The following PTPRD variants were observed in gnomAD, a reference collection of about 807,000 sequenced individuals.
The protein encoded by PTPRD is protein tyrosine phosphatase receptor type D.
Under a neutral mutation model 214.5 loss-of-function variants are expected in PTPRD, and 34 were observed. That is an observed-to-expected ratio of 0.16 (90% CI 0.12 to 0.21). The LOEUF is 0.21. Among genes scored for constraint, PTPRD ranks in the 10% least tolerant of loss-of-function variants. The pLI is 1.00. For missense variants in PTPRD, 2,545 were observed against 2,398.7 expected, an observed-to-expected ratio of 1.06 and a Z score of -1.27; for synonymous variants, 1,128 against 845.7, an observed-to-expected ratio of 1.33 and a Z score of -5.79.
intron 2 of PTPRD, among the ~76,000 whole-genome samples, chr9:10,348,091 T>C (rs10959062): frequency 0.12 from 18,580 of 152,152 alleles, 1,585 homozygotes; most frequent in Admixed American, 0.25. Context: ...TCTTGTGAAC[T>C]ATAGTCACAC....
chr9:9,813,780 T>G (rs2047903930), intron 5 of PTPRD, among the ~76,000 whole-genome samples: 1 of 152,086 alleles, frequency 6.6e-6, no homozygotes, highest in Non-Finnish European at 1.5e-5. Flanking sequence ...AGAATTACCC[T>G]CATACCAAAC....
intron 7 of PTPRD, among the ~76,000 whole-genome samples, chr9:9,719,764 G>C (rs950670247): frequency 6.6e-6 from 1 of 152,170 alleles, no homozygotes; most frequent in Non-Finnish European, 1.5e-5. Flanking sequence ...CCTCTTTGGG[G>C]TTCTGCGGTT....
chr9:10,100,055 C>T (rs2098536906), intron 3 of PTPRD, among the ~76,000 whole-genome samples: 1 of 151,556 alleles, frequency 6.6e-6, no homozygotes, highest in Admixed American at 6.6e-5. Context: ...TATGGGTAAA[C>T]CTTAATGAGT....
At chr9:9,896,143 T>C (rs534383998) in intron 5 of PTPRD, among the ~76,000 whole-genome samples, 5 of 152,166 alleles carry the variant, frequency 3.3e-5, no homozygotes, top group South Asian at 4.1e-4. Context: ...AAGTCTTCTC[T>C]AAACACACAC....
rs765293195 is a variant in PTPRD, at chr9:8,484,388, T to C, written c.3154-10A>G. On this transcript the variant is annotated splice_polypyrimidine_tract_variant and intron_variant, in intron 29 of 45. Coordinates refer to ENST00000381196, the MANE Select transcript of PTPRD (RefSeq NM_002839.4). ...CATCATCATAAAGAATCTAAAGAGA[T>C]AAAACCAATAAAAAAAAAATCTGGT... 3 of 1,590,042 alleles carry C rather than the reference T, an allele frequency of 1.9e-6. No individual in the cohort carries two copies. The highest frequency in any genetic ancestry group is 2.6e-6 in the Non-Finnish European group (3 of 1,168,450).
At chr9:9,469,561 G>A (rs939901651) in intron 8 of PTPRD, among the ~76,000 whole-genome samples, 3 of 152,114 alleles carry the variant, frequency 2.0e-5, no homozygotes, top group Admixed American at 1.3e-4. Flanking sequence ...CAATAAAAAA[G>A]ACCACATGAT....
chr9:9,352,812 A>C (rs768674613), intron 9 of PTPRD, among the ~76,000 whole-genome samples: 1 of 152,022 alleles, frequency 6.6e-6, no homozygotes, highest in South Asian at 2.1e-4. Context: ...CTCTTCTTAA[A>C]TATGTAGGAA....
At chr9:8,759,636 T>A (rs2094279529) in intron 11 of PTPRD, among the ~76,000 whole-genome samples, 1 of 147,910 alleles carries the variant, frequency 6.8e-6, no homozygotes, top group African/African-American at 2.6e-5. Context: ...TTTTTTGTCC[T>A]CATCAATCTT....
In PTPRD at chr9:8,498,430, G is replaced by A. The variant is rs567293118; in HGVS notation, c.2323-1162C>T. On this transcript the variant is annotated intron_variant, in intron 25 of 45. Coordinates refer to ENST00000381196, the MANE Select transcript of PTPRD (RefSeq NM_002839.4). ...AGCTGGGACCACACAGGCGTGTGCC[G>A]CCACGCCTGGCTAATTTTTGTATTT... Among the ~76,000 whole-genome samples the A allele has an allele frequency of 1.6e-4, 25 of 151,948 alleles. No individual in the cohort carries two copies. In the South Asian group the frequency reaches 1.7e-3, roughly 10 times the overall value.
chr9:8,754,569 G>C lies in PTPRD; in HGVS notation c.-103-20623C>G, dbSNP rs2093817695. On this transcript the variant is annotated intron_variant, in intron 11 of 45. Transcript: ENST00000381196. ...ATCTGCATGAAGAAAAACATACACT[G>C]ACCCTCTACCTCACACCATATACAA... is the stretch of plus-strand genomic sequence containing the variant. Among the ~76,000 whole-genome samples, 5 of 152,140 alleles carry C rather than the reference G, an allele frequency of 3.3e-5. No homozygotes were observed. In the South Asian group the frequency reaches 1.0e-3, roughly 32 times the overall value.
intron 44 of PTPRD, among the ~76,000 whole-genome samples, chr9:8,327,803 T>C (rs139655612): frequency 3.3e-5 from 5 of 152,330 alleles, no homozygotes; most frequent in African/African-American, 1.2e-4. Context: ...TTTGTTGGTT[T>C]AAAGTCCGTT....
At chr9:8,608,270 C>G (rs2095313119) in intron 14 of PTPRD, among the ~76,000 whole-genome samples, 1 of 151,988 alleles carries the variant, frequency 6.6e-6, no homozygotes, top group Non-Finnish European at 1.5e-5. Context: ...TTGGATGATC[C>G]AGTTCAGCTG....
intron 10 of PTPRD, among the ~76,000 whole-genome samples, chr9:9,094,069 G>GA (rs1439965888): frequency 6.6e-6 from 1 of 152,090 alleles, no homozygotes; most frequent in Non-Finnish European, 1.5e-5. Context: ...AAATGAAATG[G>GA]AATAATTCTT....
At chr9:8,491,769 C>T (rs1370839799) in intron 27 of PTPRD, among the ~76,000 whole-genome samples, 3 of 151,708 alleles carry the variant, frequency 2.0e-5, no homozygotes, top group Non-Finnish European at 4.4e-5. Context: ...CGAGGCAAAT[C>T]TTATGACATT....
Position 9,123,488 on chromosome 9 carries a change from G to A in PTPRD, c.-143+59816C>T, listed in dbSNP as rs894752704. Among the ~76,000 whole-genome samples the A allele has an allele frequency of 4.6e-5, 7 of 152,256 alleles. 1 individual carries two copies. The Middle Eastern group carries it at 0.01, about 222-fold the overall frequency. On this transcript the variant is annotated intron_variant, in intron 10 of 45. Transcript: ENST00000381196. ...GGCTTATTGTAGTCCAGATTAGAAA[G>A]AGAATACAGAACTCTGCTGCCTCAG...
At chr9:8,730,149 C>T (rs1009297173) in intron 12 of PTPRD, among the ~76,000 whole-genome samples, 11 of 151,892 alleles carry the variant, frequency 7.2e-5, no homozygotes, top group East Asian at 3.9e-4. Context: ...CCAGCTACTC[C>T]GGAGGCTGAG....
chr9:9,541,917 T>A (rs1449166995), intron 8 of PTPRD, among the ~76,000 whole-genome samples: 2 of 151,570 alleles, frequency 1.3e-5, no homozygotes, highest in African/African-American at 2.4e-5. Context: ...AAGTCTAAGA[T>A]AATGACTCAA....
intron 9 of PTPRD, among the ~76,000 whole-genome samples, chr9:9,345,862 G>C (rs1257859981): frequency 1.3e-5 from 2 of 152,114 alleles, no homozygotes; most frequent in South Asian, 4.1e-4. Flanking sequence ...AACATAAAGT[G>C]CCTGGTACAT....
At chr9:9,925,986 G>A (rs1052254848) in intron 5 of PTPRD, among the ~76,000 whole-genome samples, 17 of 151,890 alleles carry the variant, frequency 1.1e-4, no homozygotes, top group African/African-American at 2.4e-4. Context: ...ACAGCACCAT[G>A]CCTAGAAAAT....
Sources: gnomAD v4.1 joint callset for allele counts (sites outside exome capture counted in the v4.1 genomes callset) on GRCh38, gnomAD v4.1.1 for gene constraint, MANE v1.5 for transcripts, NCBI Gene and HGNC (gene_info 2026-07-23, HGNC 2026-07-21) for gene names.